Variants in TM6SF2 observed in about 807,000 individuals in gnomAD.
TM6SF2 encodes transmembrane 6 superfamily member 2.
A neutral mutation model predicts 41.0 loss-of-function variants in TM6SF2; 29 were observed. The ratio of observed to expected loss-of-function variants is 0.71; its 90% CI spans 0.53 to 0.96. The LOEUF (loss-of-function observed/expected upper bound fraction) is 0.96. TM6SF2 is among the 50% of genes least tolerant of loss of function. TM6SF2 has a pLI of 0.00. For missense variants in TM6SF2, 475 were observed against 499.0 expected, an observed-to-expected ratio of 0.95 and a Z score of 0.46; for synonymous variants, 200 against 209.1, an observed-to-expected ratio of 0.96 and a Z score of 0.37.
intron 8 of TM6SF2, among the ~76,000 whole-genome samples, chr19:19,267,188 G>A (rs2061005934): frequency 1.3e-5 from 2 of 152,086 alleles, no homozygotes; most frequent in South Asian, 4.2e-4. Flanking sequence ...GACCAACATG[G>A]CAAAACCCCG....
intron 1 of TM6SF2, 37 bp from the exon 2 acceptor site, chr19:19,271,162 C>A (rs778834417): frequency 3.4e-5 from 53 of 1,542,412 alleles, no homozygotes; most frequent in Non-Finnish European, 4.7e-5. Flanking sequence ...AGGCCAGGCC[C>A]AGTGCTGAGG....
chr19:19,270,437 C>T lies in TM6SF2; in HGVS notation c.205G>A (p.Ala69Thr), dbSNP rs202115762. The change falls in exon 3 of 10, where the codon GCT becomes ACT. Residue 69 changes from alanine to threonine, a missense_variant. Physicochemically the swap from Ala to Thr is moderately conservative, Grantham distance 58. Around this residue, in one of 3 missense-constraint regions of TM6SF2, gnomAD observed 238 missense variants for 228.6 expected, o/e 1.04. Coordinates refer to ENST00000389363, the MANE Select transcript of TM6SF2 (RefSeq NM_001001524.3). ...VSYDPLYAVFAVFAFTSVVDL... is the reference protein window; with the variant it reads ...VSYDPLYAVFTVFAFTSVVDL... ...ACAACCGAGGTGAAGGCGAAGACAGCGAAGACTGCAGTGAGTGGGCGGGCC... is the reference window on the plus strand; with the variant it reads ...ACAACCGAGGTGAAGGCGAAGACAGTGAAGACTGCAGTGAGTGGGCGGGCC... 15 of 1,608,484 alleles carry T rather than the reference C, an allele frequency of 9.3e-6. No individual in the cohort carries two copies. Among genetic ancestry groups the T allele is most frequent in the East Asian group, 9.0e-5 (4 of 44,688 alleles).
intron 2 of TM6SF2, among the ~76,000 whole-genome samples, 166 bp downstream of exon 2, chr19:19,270,856 T>C (rs1407699225): frequency 6.6e-6 from 1 of 152,166 alleles, no homozygotes; most frequent in Non-Finnish European, 1.5e-5. Context: ...TCTTTGAGGT[T>C]CCCCAGTTTA....
At chr19:19,268,208 C>CT (rs536426725) in intron 6 of TM6SF2, 121 bp from the exon 7 acceptor site, 40,448 of 556,328 alleles carry the variant, frequency 0.073, 143 homozygotes, top group South Asian at 0.15. Flanking sequence ...TTTCTTTTTT[C>CT]TTTTTTTTTT....
At chr19:19,272,521 G>A (rs2061027456) in intron 1 of TM6SF2, among the ~76,000 whole-genome samples, 1 of 152,142 alleles carries the variant, frequency 6.6e-6, no homozygotes, top group Non-Finnish European at 1.5e-5. Context: ...TTAGAAGTAC[G>A]AGGGGCTTGC....
intron 9 of TM6SF2, 152 bp from the exon 10 acceptor site, chr19:19,265,025 A>C: frequency 9.5e-6 from 4 of 423,056 alleles, no homozygotes; most frequent in East Asian, 7.9e-5. Context: ...TCCCATCTCC[A>C]GTCCATCTAT....
At chr19:19,264,931 C>T in intron 9 of TM6SF2, 58 bp from the exon 10 acceptor site, 1 of 1,326,612 alleles carries the variant, frequency 7.5e-7, no homozygotes, top group Non-Finnish European at 1.0e-6. Context: ...GAAATCCCAG[C>T]ATCACCGACA....
chr19:19,264,972 G>C, intron 9 of TM6SF2, 99 bp from the exon 10 acceptor site: 4 of 760,148 alleles, frequency 5.3e-6, no homozygotes, highest in Non-Finnish European at 7.8e-6. Flanking sequence ...AGAACCCAGG[G>C]GATGCCCATC....
rs1203739845 is a variant in TM6SF2, at chr19:19,269,054, T to C, written c.485-300A>G. 2.6e-5 allele frequency among the ~76,000 whole-genome samples: 4 copies of C among 152,268 alleles called. No individual in the cohort carries two copies. The East Asian group carries it at 7.7e-4, about 29-fold the overall frequency. Reference sequence around the variant, plus strand: ...GTGATTGATGAGGCAGGTGGATTGCTTGAGCCGAGAGTTGGAGACCAGCCT... The same window carrying C: ...GTGATTGATGAGGCAGGTGGATTGCCTGAGCCGAGAGTTGGAGACCAGCCT... On this transcript the variant is annotated intron_variant, in intron 5 of 9. Coordinates refer to ENST00000389363, the MANE Select transcript of TM6SF2 (RefSeq NM_001001524.3).
rs1365844411 is a variant in TM6SF2, at chr19:19,268,646, C to T, written c.593G>A (p.Arg198His). The T allele has an allele frequency of 6.3e-6, 10 of 1,585,316 alleles. No individual in the cohort carries two copies. Among genetic ancestry groups the T allele is most frequent in the South Asian group, 1.2e-5 (1 of 86,682 alleles). ...KVFSQPRALT[R>H]CTANMVQEEQ... is the part of the protein sequence containing the mutation. ...GGCACTCACCATGTTGGCGGTGCAGCGGGTTAGCGCCCGGGGCTGGCTGAA... is the reference window on the plus strand; with the variant it reads ...GGCACTCACCATGTTGGCGGTGCAGTGGGTTAGCGCCCGGGGCTGGCTGAA... Residue 198 changes from arginine (R) to histidine (H), a missense_variant, in exon 6 of 10, where the codon CGC becomes CAC. Arg to His is a conservative substitution (Grantham distance 29). Coordinates refer to ENST00000389363, the MANE Select transcript of TM6SF2 (RefSeq NM_001001524.3).
At position 19,264,600 on chromosome 19, in the gene TM6SF2, G is replaced by A. The variant is rs1271440684; in HGVS notation, c.*64C>T. 6.8e-6 allele frequency: 9 copies of A among 1,332,494 alleles called. No homozygotes were observed. Among genetic ancestry groups the A allele is most frequent in the Non-Finnish European group, 8.8e-6 (9 of 1,022,318 alleles). 82.5% of individuals were successfully genotyped at this position (1,332,494 alleles called of 1,614,324 possible). On this transcript the variant is annotated 3_prime_UTR_variant, in exon 10 of 10. Coordinates refer to ENST00000389363, the MANE Select transcript of TM6SF2 (RefSeq NM_001001524.3). ...CCTGTCTCTAAAACACCCAACCCCC[G>A]CTTCCCCAGGTAGGGCTGACTGGGC...
intron 4 of TM6SF2, 106 bp downstream of exon 4, chr19:19,270,067 T>A: frequency 6.4e-7 from 1 of 1,558,256 alleles, no homozygotes; most frequent in Non-Finnish European, 8.7e-7. Flanking sequence ...AGAGGCGTCC[T>A]GATTTCTCCT....
chr19:19,267,611 C>T lies in TM6SF2; in HGVS notation c.804+10G>A. The T allele has an allele frequency of 6.2e-7, 1 of 1,609,536 alleles. No individual in the cohort carries two copies. Among genetic ancestry groups the T allele is most frequent in the South Asian group, 1.1e-5 (1 of 90,376 alleles). ...GCAGGGGTGTGGTCTTCTCCCCGCT[C>T]CCCTCTCACCTGCACCTTAGGGTAG... On this transcript the variant is annotated intron_variant, in intron 8 of 9. Transcript: ENST00000389363.
chr19:19,265,418 C>T (rs1176061395), intron 9 of TM6SF2, among the ~76,000 whole-genome samples: 3 of 112,032 alleles, frequency 2.7e-5, no homozygotes, highest in Middle Eastern at 5.6e-3. Flanking sequence ...ATCCATCCAT[C>T]TATCTATCTA....
chr19:19,269,978 G>A, intron 4 of TM6SF2, 195 bp downstream of exon 4: 1 of 1,482,804 alleles, frequency 6.7e-7, no homozygotes, highest in Non-Finnish European at 9.0e-7. Context: ...CAGGGTGGAT[G>A]TAAGCAATGC....
chr19:19,268,954 G>A (rs942355726), intron 5 of TM6SF2, among the ~76,000 whole-genome samples, 200 bp from the exon 6 acceptor site: 16 of 152,080 alleles, frequency 1.1e-4, no homozygotes, highest in African/African-American at 3.9e-4. Flanking sequence ...GATTATACCT[G>A]GCTAATTTTT....
chr19:19,269,009 T>C (rs1162558724), intron 5 of TM6SF2, among the ~76,000 whole-genome samples: 3 of 152,108 alleles, frequency 2.0e-5, no homozygotes, highest in African/African-American at 7.2e-5. Flanking sequence ...CCCAGGCTGA[T>C]CTTGATCTCC....
intron 4 of TM6SF2, 157 bp from the exon 5 acceptor site, chr19:19,269,926 AGT>A (rs1408751955): frequency 2.0e-6 from 3 of 1,508,758 alleles, no homozygotes; most frequent in African/African-American, 2.8e-5. Context: ...GGGAAATAAC[AGT>A]GAGACCCTCT....
intron 8 of TM6SF2, among the ~76,000 whole-genome samples, chr19:19,267,396 G>GA (rs1568611742): frequency 2.0e-5 from 3 of 148,208 alleles, no homozygotes; most frequent in Non-Finnish European, 3.0e-5. Flanking sequence ...GAAAAAGAAA[G>GA]AAAGAAAAGA....
Sources: allele counts gnomAD v4.1 joint callset (sites outside exome capture counted in the v4.1 genomes callset), GRCh38; gene constraint gnomAD v4.1.1; regional missense constraint gnomAD v4.1.1; transcripts MANE v1.5; gene names NCBI Gene and HGNC (gene_info 2026-07-23, HGNC 2026-07-21).